The following HS3ST3A1 variants were observed in gnomAD, a reference collection of about 807,000 sequenced individuals.
HS3ST3A1 encodes the protein heparan sulfate-glucosamine 3-sulfotransferase 3A1.
Under a neutral mutation model 25.7 loss-of-function variants are expected in HS3ST3A1, and 19 were observed. The observed-to-expected ratio is 0.74, with a 90% confidence interval of 0.52 to 1.08. The LOEUF (loss-of-function observed/expected upper bound fraction) is 1.08, where lower values mean the gene tolerates loss of function less well. Among genes scored for constraint, HS3ST3A1 ranks in the 50% least tolerant of loss-of-function variants. The probability of loss-of-function intolerance (pLI) is 0.00; values close to 1 mark genes in which losing one functional copy is unlikely to be tolerated. For synonymous variants in HS3ST3A1, 226 were observed against 278.6 expected, an observed-to-expected ratio of 0.81 and a Z score of 1.88; for missense variants, 459 against 594.3, an observed-to-expected ratio of 0.77 and a Z score of 2.37.
At chr17:13,498,617 G>T (rs1905357299) in intron 1 of HS3ST3A1, among the ~76,000 whole-genome samples, 1 of 152,330 alleles carries the variant, frequency 6.6e-6, no homozygotes. Flanking sequence ...TACCTAGAAG[G>T]AAGGAAGGCA....
Position 13,599,015 on chromosome 17 carries a change from G to C in HS3ST3A1, c.599+1516C>G, listed in dbSNP as rs147143166. Among the ~76,000 whole-genome samples, 6 of 151,788 alleles carry C rather than the reference G, an allele frequency of 4.0e-5. No individual in the cohort carries two copies. The East Asian group carries it at 9.7e-4, about 24-fold the overall frequency. Reference sequence around the variant, plus strand: ...ATTCAATGCAAACTGCTATAGATAAGAGTTTTAGGGGTCTTTAATCACTTC... The same window carrying C: ...ATTCAATGCAAACTGCTATAGATAACAGTTTTAGGGGTCTTTAATCACTTC... On this transcript the variant is annotated intron_variant, in intron 1 of 1. Coordinates refer to ENST00000284110, the MANE Select transcript of HS3ST3A1 (RefSeq NM_006042.3).
At chr17:13,570,337 C>G (rs2142372577) in intron 1 of HS3ST3A1, among the ~76,000 whole-genome samples, 1 of 149,198 alleles carries the variant, frequency 6.7e-6, no homozygotes, top group Middle Eastern at 3.4e-3. Flanking sequence ...GCTGTTTGTC[C>G]TAAAAGTGAA....
chr17:13,520,313 T>C (rs1459995856), intron 1 of HS3ST3A1, among the ~76,000 whole-genome samples: 2 of 152,238 alleles, frequency 1.3e-5, no homozygotes, highest in East Asian at 1.9e-4. Context: ...CAAAATCTGA[T>C]ATAATTTAGG....
intron 1 of HS3ST3A1, among the ~76,000 whole-genome samples, chr17:13,504,736 C>T (rs1307409511): frequency 6.6e-6 from 1 of 152,174 alleles, no homozygotes; most frequent in African/African-American, 2.4e-5. Context: ...GCGAAGCCCA[C>T]TATGTTTCCA....
intron 1 of HS3ST3A1, among the ~76,000 whole-genome samples, chr17:13,561,779 G>A (rs1254120915): frequency 2.0e-5 from 3 of 152,068 alleles, no homozygotes; most frequent in South Asian, 2.1e-4. Flanking sequence ...GGAGATGGAC[G>A]CCACACCCAA....
chr17:13,600,734 G>A lies in HS3ST3A1; in HGVS notation c.396C>T (p.Thr132=), dbSNP rs941786022. ...GGPGGSGAGS[T]VAEAPPGTLA... The stretch of plus-strand genomic sequence containing the variant: ...GGGTCCCCGGCGGGGCCTCGGCCAC[G>A]GTGCTTCCGGCCCCGGAGCCGCCCG... The change falls in exon 1 of 2, where the codon ACC becomes ACT. Residue 132 remains threonine, a synonymous_variant. Transcript: ENST00000284110. 1.3e-6 allele frequency: 2 copies of A among 1,537,170 alleles called. No individual in the cohort carries two copies. The highest frequency in any genetic ancestry group is 1.9e-5 in the Admixed American group (1 of 52,052).
chr17:13,505,638 G>A (rs559199231), intron 1 of HS3ST3A1, among the ~76,000 whole-genome samples: 2 of 150,742 alleles, frequency 1.3e-5, no homozygotes, highest in South Asian at 2.1e-4. Context: ...AAACAATGTA[G>A]ACATCTTCAA....
intron 1 of HS3ST3A1, among the ~76,000 whole-genome samples, chr17:13,539,871 C>T (rs1567618242): frequency 1.3e-5 from 2 of 152,152 alleles, no homozygotes; most frequent in African/African-American, 2.4e-5. Context: ...AACTTCTTTA[C>T]TCATTTTAGA....
chr17:13,498,901 G>A (rs1015012632), intron 1 of HS3ST3A1, among the ~76,000 whole-genome samples: 1 of 151,874 alleles, frequency 6.6e-6, no homozygotes, highest in Non-Finnish European at 1.5e-5. Context: ...GGAGTTGAAG[G>A]GGAAGTTTTC....
chr17:13,601,013 G>A lies in HS3ST3A1; in HGVS notation c.117C>T (p.Phe39=), dbSNP rs753687763. 1 of 1,587,778 alleles carries A rather than the reference G, an allele frequency of 6.3e-7. No homozygotes were observed. Among genetic ancestry groups the A allele is most frequent in the Non-Finnish European group, 8.6e-7 (1 of 1,167,280 alleles). ...LCSLLTSLYV[F]YCLAERCQTL... Reference sequence around the variant, plus strand: ...TCTGGCAGCGCTCGGCCAGGCAGTAGAAGACGTAAAGGGACGTGAGCAGGG... The same window carrying A: ...TCTGGCAGCGCTCGGCCAGGCAGTAAAAGACGTAAAGGGACGTGAGCAGGG... Residue 39 remains phenylalanine (F), a synonymous_variant, in exon 1 of 2, where the codon TTC becomes TTT. Coordinates refer to ENST00000284110, the MANE Select transcript of HS3ST3A1 (RefSeq NM_006042.3).
rs142299014 is a variant in HS3ST3A1 at position 13,494,830 on chromosome 17, C to T, written c.*1367G>A. Among the ~76,000 whole-genome samples, 12 of 151,974 alleles carry T rather than the reference C, an allele frequency of 7.9e-5. No homozygotes were observed. The highest frequency in any genetic ancestry group is 1.9e-4 in the East Asian group (1 of 5,168). On this transcript the variant is annotated 3_prime_UTR_variant, in exon 2 of 2. Transcript: ENST00000284110. ...TAAATGGGGGATGGGCAGAAACAGACGAGAGAAGAGGAAAAGCCACCATTT... is the reference window on the plus strand; with the variant it reads ...TAAATGGGGGATGGGCAGAAACAGATGAGAGAAGAGGAAAAGCCACCATTT...
At chr17:13,518,358 G>A (rs1219953725) in intron 1 of HS3ST3A1, among the ~76,000 whole-genome samples, 2 of 152,096 alleles carry the variant, frequency 1.3e-5, no homozygotes, top group Admixed American at 6.5e-5. Context: ...GTTTCCAATG[G>A]CTTAGAAAGA....
At chr17:13,507,905 C>G (rs1052719890) in intron 1 of HS3ST3A1, among the ~76,000 whole-genome samples, 3 of 152,182 alleles carry the variant, frequency 2.0e-5, no homozygotes, top group African/African-American at 7.2e-5. Context: ...AGCTCGCCAT[C>G]CCTTGGGCCG....
intron 1 of HS3ST3A1, among the ~76,000 whole-genome samples, chr17:13,569,648 G>C (rs371571967): frequency 1.3e-5 from 2 of 152,128 alleles, no homozygotes; most frequent in Non-Finnish European, 2.9e-5. Flanking sequence ...AACCAGTAGC[G>C]ATTTTTCAGG....
rs375328109 is a variant in HS3ST3A1 at position 13,494,851 on chromosome 17, C to G, written c.*1346G>C. ...CAGACGAGAGAAGAGGAAAAGCCAC[C>G]ATTTTACCCACAAATGCATTTCCTA... On this transcript the variant is annotated 3_prime_UTR_variant, in exon 2 of 2. Transcript: ENST00000284110. Among the ~76,000 whole-genome samples the G allele has an allele frequency of 1.3e-5, 2 of 152,054 alleles. No individual in the cohort carries two copies. The highest frequency in any genetic ancestry group is 2.4e-5 in the African/African-American group (1 of 41,388).
At chr17:13,585,647 C>A (rs1455426916) in intron 1 of HS3ST3A1, among the ~76,000 whole-genome samples, 2 of 151,840 alleles carry the variant, frequency 1.3e-5, no homozygotes, top group Non-Finnish European at 2.9e-5. Flanking sequence ...CAGTAGGACT[C>A]GGAAGACCTA....
At chr17:13,583,189 C>T (rs912394393) in intron 1 of HS3ST3A1, among the ~76,000 whole-genome samples, 52 of 152,264 alleles carry the variant, frequency 3.4e-4, no homozygotes, top group South Asian at 1.0e-3. Flanking sequence ...AAATCTGACT[C>T]GACCACTAAG....
At chr17:13,569,363 C>CTCAG (rs1907748333) in intron 1 of HS3ST3A1, among the ~76,000 whole-genome samples, 1 of 152,202 alleles carries the variant, frequency 6.6e-6, no homozygotes, top group Non-Finnish European at 1.5e-5. Context: ...CTTTCTTCAG[C>CTCAG]TCAGTCCCTC....
rs556160833 is a variant in HS3ST3A1 at position 13,566,293 on chromosome 17, G to C, written c.599+34238C>G. ...ATGTTACTATTGTAATTGTTTTGAG[G>C]TGCCTCAAACCACGCCCATAGAAGA... is the stretch of plus-strand genomic sequence containing the variant. On this transcript the variant is annotated intron_variant, in intron 1 of 1. Transcript: ENST00000284110. Among the ~76,000 whole-genome samples, 31 of 152,110 alleles carry C rather than the reference G, an allele frequency of 2.0e-4. 1 individual carries two copies. The East Asian group carries it at 5.8e-3, about 28-fold the overall frequency.
Sources: gnomAD v4.1 joint callset for allele counts (sites outside exome capture counted in the v4.1 genomes callset) on GRCh38, gnomAD v4.1.1 for gene constraint, MANE v1.5 for transcripts, NCBI Gene and HGNC (gene_info 2026-07-23, HGNC 2026-07-21) for gene names.